Variants in EPB41 observed in about 807,000 individuals in gnomAD.
EPB41 encodes the protein protein 4.1.
EPB41 carries 65 observed loss-of-function variants against 108.0 expected under a neutral mutation model. The ratio of observed to expected loss-of-function variants is 0.60; its 90% CI spans 0.49 to 0.74. The LOEUF is 0.74. Ranked by LOEUF, EPB41 falls within the 30% of genes least tolerant of loss-of-function variation. EPB41 has a pLI of 0.00. For missense variants in EPB41, 875 were observed against 1,037.0 expected, an observed-to-expected ratio of 0.84 and a Z score of 2.15; for synonymous variants, 336 against 358.9, an observed-to-expected ratio of 0.94 and a Z score of 0.72.
chr1:29,072,718 A>G (rs1227957577), intron 16 of EPB41: 1 of 152,236 alleles, frequency 6.6e-6, no homozygotes, highest in African/African-American at 2.4e-5. Context: ...AAGCTGACCA[A>G]TGCAGACTCA....
At chr1:28,948,782 C>T (rs1177240448) in intron 1 of EPB41, among the ~76,000 whole-genome samples, 2 of 151,328 alleles carry the variant, frequency 1.3e-5, no homozygotes, top group Non-Finnish European at 2.9e-5. Flanking sequence ...AACCCTGTCT[C>T]TACTAAAAAT....
intron 13 of EPB41, 80 bp downstream of exon 13, chr1:29,058,725 A>C: frequency 6.5e-7 from 1 of 1,538,350 alleles, no homozygotes. Context: ...CTTTTCCTTA[A>C]AAAAATTATA....
At chr1:29,088,330 A>AG in intron 16 of EPB41, among the ~76,000 whole-genome samples, 1 of 152,234 alleles carries the variant, frequency 6.6e-6, no homozygotes, top group Non-Finnish European at 1.5e-5. Context: ...TACAGGTGTG[A>AG]GCCCCTGCAC....
intron 7 of EPB41, among the ~76,000 whole-genome samples, chr1:29,020,153 C>T (rs2096626092): frequency 6.6e-6 from 1 of 151,994 alleles, no homozygotes; most frequent in Non-Finnish European, 1.5e-5. Context: ...ACTGCAGCCT[C>T]CACCTCCCGG....
intron 11 of EPB41, among the ~76,000 whole-genome samples, chr1:29,049,920 T>A (rs1177578264): frequency 1.3e-5 from 2 of 152,152 alleles, no homozygotes; most frequent in Non-Finnish European, 1.5e-5. Context: ...TAAAAAGCAA[T>A]CCTTACCCCC....
chr1:29,070,110 A>AG, intron 16 of EPB41: 4 of 330,622 alleles, frequency 1.2e-5, no homozygotes. Flanking sequence ...TAACATAGCA[A>AG]GGGGAAAGCC....
intron 1 of EPB41, among the ~76,000 whole-genome samples, chr1:28,977,284 G>T (rs748011641): frequency 6.6e-6 from 1 of 151,842 alleles, no homozygotes; most frequent in Non-Finnish European, 1.5e-5. Flanking sequence ...ATGTTTTTGT[G>T]AAGTTTTCAA....
At chr1:29,101,236 A>G (rs1199415957) in intron 17 of EPB41, among the ~76,000 whole-genome samples, 2 of 152,036 alleles carry the variant, frequency 1.3e-5, no homozygotes, top group East Asian at 3.9e-4. Flanking sequence ...AAAAAAGAAA[A>G]AAAAAGAGAA....
At position 29,018,241 on chromosome 1, in the gene EPB41, A is replaced by G. The variant is rs1350454637; in HGVS notation, c.923A>G (p.Gln308Arg). Reference sequence around the variant, plus strand: ...GGCTGTAGATATTATTTATGTCTTCAGCTTCGGCAGGACATAGTTGCAGGA... The same window carrying G: ...GGCTGTAGATATTATTTATGTCTTCGGCTTCGGCAGGACATAGTTGCAGGA... ...EDITRYYLCL[Q>R]LRQDIVAGRL... The change falls in exon 7 of 21, where the codon CAG (glutamine) becomes CGG (arginine). Residue 308 changes from glutamine to arginine, a missense_variant. By Grantham distance (43) the Gln-to-Arg change is conservative. Around this residue, in one of 3 missense-constraint regions of EPB41, gnomAD observed 353 missense variants for 393.2 expected, o/e 0.90. Coordinates refer to ENST00000343067, the MANE Select transcript of EPB41 (RefSeq NM_001376013.1). The surrounding 1 kb of genome is among the most constrained non-coding windows in gnomAD (Gnocchi z 4.4). 6 of 1,613,622 alleles carry G rather than the reference A, an allele frequency of 3.7e-6. No individual in the cohort carries two copies. The highest frequency in any genetic ancestry group is 1.1e-5 in the South Asian group (1 of 91,084).
At chr1:29,003,938 T>C (rs2149792565) in intron 4 of EPB41, among the ~76,000 whole-genome samples, 1 of 152,270 alleles carries the variant, frequency 6.6e-6, no homozygotes, top group Non-Finnish European at 1.5e-5. Flanking sequence ...AATTTTTGTA[T>C]TTTTAGTATA....
At chr1:29,110,753 A>G (rs1668861844) in intron 18 of EPB41, among the ~76,000 whole-genome samples, 2 of 152,230 alleles carry the variant, frequency 1.3e-5, no homozygotes, top group Non-Finnish European at 1.5e-5. Flanking sequence ...AGAAAGAGAA[A>G]TCTACTCACC....
intron 1 of EPB41, among the ~76,000 whole-genome samples, chr1:28,969,816 G>A (rs2095452550): frequency 6.6e-6 from 1 of 152,154 alleles, no homozygotes; most frequent in African/African-American, 2.4e-5. Flanking sequence ...CAGGAGAATG[G>A]CGTGAACCTG....
At chr1:29,072,077 G>A (rs1309794654) in intron 16 of EPB41, 1 of 152,136 alleles carries the variant, frequency 6.6e-6, no homozygotes, top group Non-Finnish European at 1.5e-5. Flanking sequence ...AAACTGCTAC[G>A]CTGTCATTAT....
chr1:29,049,801 C>T (rs971114856), intron 11 of EPB41, among the ~76,000 whole-genome samples: 2 of 152,114 alleles, frequency 1.3e-5, no homozygotes, highest in Non-Finnish European at 2.9e-5. Context: ...TATGTAGACC[C>T]TCAGATATGG....
chr1:28,938,353 A>G (rs1168351115), intron 1 of EPB41, among the ~76,000 whole-genome samples: 2 of 152,118 alleles, frequency 1.3e-5, no homozygotes, highest in Admixed American at 1.3e-4. Context: ...TTTTCCGCTT[A>G]TTTAGGTCTT....
rs548699732 is a variant in EPB41 at position 28,887,192 on chromosome 1, C to A, written c.-26C>A. The A allele has an allele frequency of 8.5e-5, 108 of 1,268,096 alleles. No homozygotes were observed. In the East Asian group the frequency reaches 5.7e-3, roughly 67 times the overall value. The allele number at this position is 1,268,096 out of a possible 1,614,324, so 78.6% of individuals were successfully genotyped here. ...GAGCCAGAACGCGGTCGGCCCGGTC[C>A]CCGCCGCACCCAGCCCAGGTGAGCC... On this transcript the variant is annotated 5_prime_UTR_variant, in exon 1 of 17. Coordinates refer to the EPB41 transcript ENST00000347529. This position sits in a 1 kb window ranked among gnomAD's most constrained non-coding sequence, Gnocchi z 4.9.
intron 1 of EPB41, among the ~76,000 whole-genome samples, chr1:28,903,322 C>CTTTTTTTTTTTTTTTTTTT (rs1469847584): frequency 6.9e-6 from 1 of 144,414 alleles, no homozygotes; most frequent in African/African-American, 2.7e-5. Context: ...TTTTTCTTTT[C>CTTTTTTTTTTTTTTTTTTT]TTTCTTTTTT....
rs1359432710 is a variant in EPB41 at position 28,982,429 on chromosome 1, T to A, written c.-7-5002T>A. 1.7e-5 allele frequency: 13 copies of A among 753,954 alleles called. No homozygotes were observed. In the East Asian group the frequency reaches 2.8e-4, roughly 16 times the overall value. 46.7% of individuals were successfully genotyped at this position (753,954 alleles called of 1,614,324 possible). The stretch of plus-strand genomic sequence containing the variant: ...CTTGATCTTTGACCCCTTGGTGATC[T>A]TCTTCTTGCCCATGGCAGCTGTCAC... On this transcript the variant is annotated intron_variant, in intron 1 of 20. Transcript: ENST00000343067.
At chr1:28,962,174 C>T (rs2095236582) in intron 1 of EPB41, among the ~76,000 whole-genome samples, 1 of 151,934 alleles carries the variant, frequency 6.6e-6, no homozygotes, top group Admixed American at 6.6e-5. Flanking sequence ...GATTCTCCTG[C>T]CTCAGGCCCC....
Sources: gnomAD v4.1 joint callset for allele counts (sites outside exome capture counted in the v4.1 genomes callset) on GRCh38, gnomAD v4.1.1 for gene constraint, gnomAD v4.1.1 regional missense constraint, Gnocchi (gnomAD v3.1) non-coding constraint, MANE v1.5 for transcripts, NCBI Gene and HGNC (gene_info 2026-07-23, HGNC 2026-07-21) for gene names.